Variants in GREB1L observed in about 807,000 individuals in gnomAD.
The protein encoded by GREB1L is GREB1-like protein.
A neutral mutation model predicts 200.8 loss-of-function variants in GREB1L; 17 were observed. The ratio of observed to expected loss-of-function variants is 0.08; its 90% CI spans 0.06 to 0.13. The LOEUF (loss-of-function observed/expected upper bound fraction) is 0.13, where lower values mean the gene tolerates loss of function less well. Among genes scored for constraint, GREB1L ranks in the 10% least tolerant of loss-of-function variants. GREB1L has a pLI of 1.00. For synonymous variants in GREB1L, 789 were observed against 893.0 expected (o/e 0.88, Z 2.08); for missense variants, 1,657 against 2,367.7 (o/e 0.70, Z 6.23).
Position 21,525,074 on chromosome 18 carries a change from G to A in GREB1L, c.*2253G>A, listed in dbSNP as rs1005959521. The A allele has an allele frequency of 3.3e-5, 5 of 151,072 alleles. No individual in the cohort carries two copies. Among genetic ancestry groups the A allele is most frequent in the African/African-American group, 9.7e-5 (4 of 41,274 alleles). 9.4% of individuals were successfully genotyped at this position (151,072 alleles called of 1,614,324 possible). Reference sequence around the variant, plus strand: ...CTTTGCAATCCCTTAGGACACTGATGTGGGATGAATGGATTCGCTAGGCCC... The same window carrying A: ...CTTTGCAATCCCTTAGGACACTGATATGGGATGAATGGATTCGCTAGGCCC... On this transcript the variant is annotated 3_prime_UTR_variant, in exon 33 of 33. Coordinates refer to ENST00000424526, the MANE Select transcript of GREB1L (RefSeq NM_001142966.3).
At chr18:21,522,528 C>A in intron 32 of GREB1L, 130 bp from the exon 33 acceptor site, 1 of 697,686 alleles carries the variant, frequency 1.4e-6, no homozygotes, top group Non-Finnish European at 2.2e-6. Context: ...TAAAATAAAA[C>A]AATTCTGATA....
intron 1 of GREB1L, among the ~76,000 whole-genome samples, chr18:21,263,698 T>A (rs2037923602): frequency 6.6e-6 from 1 of 152,218 alleles, no homozygotes; most frequent in Non-Finnish European, 1.5e-5. Context: ...AGCTACTCCT[T>A]ACTTTAAATG....
chr18:21,397,787 G>T (rs1306825658), intron 5 of GREB1L, among the ~76,000 whole-genome samples: 1 of 152,158 alleles, frequency 6.6e-6, no homozygotes, highest in Non-Finnish European at 1.5e-5. Flanking sequence ...TAATATGCTG[G>T]AGTAAATTAG....
At chr18:21,393,293 T>A (rs1011472969) in intron 4 of GREB1L, among the ~76,000 whole-genome samples, 1 of 152,046 alleles carries the variant, frequency 6.6e-6, no homozygotes, top group Non-Finnish European at 1.5e-5. Flanking sequence ...TTTTCTGAAA[T>A]AGCGTTTTTT....
At chr18:21,242,793 C>T (rs1206709640) in intron 1 of GREB1L, among the ~76,000 whole-genome samples, 2 of 152,220 alleles carry the variant, frequency 1.3e-5, no homozygotes, top group Non-Finnish European at 1.5e-5. Flanking sequence ...CGGGGTCCCC[C>T]GGCGGAGGCG....
intron 27 of GREB1L, among the ~76,000 whole-genome samples, chr18:21,513,245 C>T (rs942518360): frequency 1.3e-5 from 2 of 152,202 alleles, no homozygotes; most frequent in African/African-American, 4.8e-5. Context: ...CATATTGCCT[C>T]TTGCAAAAGG....
At chr18:21,507,639 C>CA (rs2037068503) in intron 25 of GREB1L, among the ~76,000 whole-genome samples, 1 of 152,186 alleles carries the variant, frequency 6.6e-6, no homozygotes, top group Non-Finnish European at 1.5e-5. Flanking sequence ...TGAACCTCTT[C>CA]AGCATCCACT....
intron 7 of GREB1L, among the ~76,000 whole-genome samples, chr18:21,411,028 G>A (rs1186940143): frequency 6.6e-6 from 1 of 152,062 alleles, no homozygotes. Context: ...AATAGAAACA[G>A]TGAGCAGAAA....
At chr18:21,336,062 G>C (rs948898063) in intron 1 of GREB1L, among the ~76,000 whole-genome samples, 2 of 152,010 alleles carry the variant, frequency 1.3e-5, no homozygotes, top group Non-Finnish European at 1.5e-5. Context: ...GTTCTATCTT[G>C]GTCTCCTCTG....
intron 1 of GREB1L, among the ~76,000 whole-genome samples, chr18:21,254,718 A>G (rs1298671584): frequency 1.3e-5 from 2 of 152,122 alleles, no homozygotes; most frequent in Non-Finnish European, 1.5e-5. Flanking sequence ...TCTTTTGGTC[A>G]TTCTCCGCCA....
intron 5 of GREB1L, among the ~76,000 whole-genome samples, chr18:21,400,214 TA>T (rs1185031600): frequency 2.4e-4 from 35 of 148,660 alleles, no homozygotes; most frequent in Admixed American, 4.0e-4. Context: ...GATTTTCAAT[TA>T]AAAAAAAAAG....
At chr18:21,484,737 C>G (rs947922843) in intron 17 of GREB1L, among the ~76,000 whole-genome samples, 1 of 152,038 alleles carries the variant, frequency 6.6e-6, no homozygotes, top group East Asian at 1.9e-4. Flanking sequence ...GCAGGAGAAT[C>G]GCTTGAAACC....
rs562201535 is a variant in GREB1L, at chr18:21,491,090, A to G, written c.3030+739A>G. On this transcript the variant is annotated intron_variant, in intron 19 of 32. Coordinates refer to ENST00000424526, the MANE Select transcript of GREB1L (RefSeq NM_001142966.3). The stretch of plus-strand genomic sequence containing the variant: ...AACCTAACTCCCTACCTTATGCCTG[A>G]CTCGGTTTTTCTGGGCCTGTAATCC... Among the ~76,000 whole-genome samples the G allele has an allele frequency of 8.5e-5, 13 of 152,050 alleles. 1 individual carries two copies. The East Asian group carries it at 2.1e-3, about 25-fold the overall frequency.
chr18:21,411,479 T>TA (rs1038060593), intron 7 of GREB1L, among the ~76,000 whole-genome samples: 31 of 152,026 alleles, frequency 2.0e-4, no homozygotes, highest in African/African-American at 7.2e-4. Flanking sequence ...GTGCTGGGAT[T>TA]ACAGGCGTGA....
chr18:21,296,976 G>A (rs1335503769), intron 1 of GREB1L, among the ~76,000 whole-genome samples: 2 of 152,106 alleles, frequency 1.3e-5, no homozygotes, highest in African/African-American at 4.8e-5. Context: ...GGTATAGCTT[G>A]AGCATCAGGA....
intron 1 of GREB1L, among the ~76,000 whole-genome samples, chr18:21,246,431 CAT>C (rs2037603721): frequency 6.6e-6 from 1 of 152,104 alleles, no homozygotes; most frequent in Non-Finnish European, 1.5e-5. Flanking sequence ...TATCTTAAAA[CAT>C]ATTATTGTTA....
intron 2 of GREB1L, among the ~76,000 whole-genome samples, chr18:21,382,709 G>T (rs1001420904): frequency 6.6e-6 from 1 of 151,816 alleles, no homozygotes; most frequent in South Asian, 2.1e-4. Flanking sequence ...CAGGCTGGTC[G>T]CAATCTCCTG....
chr18:21,371,951 A>T (rs1362673117), intron 2 of GREB1L, among the ~76,000 whole-genome samples: 1 of 152,182 alleles, frequency 6.6e-6, no homozygotes. Flanking sequence ...GAAAGATTGA[A>T]CAATTTGCCC....
rs377239153 is a variant in GREB1L, at chr18:21,500,065, G to T, written c.3728G>T (p.Gly1243Val). The T allele has an allele frequency of 3.5e-5, 54 of 1,551,516 alleles. No homozygotes were observed. In the African/African-American group the frequency reaches 6.7e-4, roughly 19 times the overall value. The change falls in exon 22 of 33, where the codon GGC (glycine) becomes GTC (valine). Residue 1243 changes from glycine (G) to valine (V), a missense_variant. By Grantham distance (109) the Gly-to-Val change is moderately radical (BLOSUM62 -3). Around this residue, in one of 9 missense-constraint regions of GREB1L, gnomAD observed 512 missense variants for 668.3 expected, o/e 0.77. Transcript: ENST00000424526. ...ILSKAAYSLLGSQKSGKLPSS... is the reference protein window; with the variant it reads ...ILSKAAYSLLVSQKSGKLPSS... The stretch of plus-strand genomic sequence containing the variant: ...TCCAAAGCGGCCTACAGTCTCCTGG[G>T]CTCCCAGAAGAGTGGCAAGCTGCCA...
Sources: allele counts gnomAD v4.1 joint callset (sites outside exome capture counted in the v4.1 genomes callset), GRCh38; gene constraint gnomAD v4.1.1; regional missense constraint gnomAD v4.1.1; transcripts MANE v1.5; gene names NCBI Gene and HGNC (gene_info 2026-07-23, HGNC 2026-07-21).